SLC26A7: variants seen among roughly 807,000 people sequenced by gnomAD.
SLC26A7 encodes the protein anion exchange transporter.
In SLC26A7, 59 loss-of-function variants were observed where a neutral mutation model predicts 82.5. That is an observed-to-expected ratio of 0.72 (90% CI 0.58 to 0.89). The LOEUF (loss-of-function observed/expected upper bound fraction) is 0.89. SLC26A7 is among the 40% of genes least tolerant of loss of function. The probability of loss-of-function intolerance (pLI) is 0.00; values close to 1 mark genes in which losing one functional copy is unlikely to be tolerated. For synonymous variants in SLC26A7, 271 were observed against 274.3 expected (o/e 0.99, Z 0.12); for missense variants, 820 against 793.0 (o/e 1.03, Z -0.41).
intron 15 of SLC26A7, among the ~76,000 whole-genome samples, chr8:91,386,249 G>A (rs1012770924): frequency 5.9e-5 from 9 of 151,972 alleles, no homozygotes. Flanking sequence ...TTTCTTTCTA[G>A]CAAGCCTGTC....
chr8:91,345,013 G>GC (rs1813523062), intron 9 of SLC26A7, among the ~76,000 whole-genome samples: 1 of 150,568 alleles, frequency 6.6e-6, no homozygotes, highest in Admixed American at 6.6e-5. Flanking sequence ...CACCACTATA[G>GC]CTCACTGTAG....
intron 8 of SLC26A7, 131 bp downstream of exon 8, chr8:91,340,682 A>G: frequency 9.4e-7 from 1 of 1,064,194 alleles, no homozygotes. Context: ...TTGAACAAAA[A>G]AAAAGAAAAA....
chr8:91,232,144 G>A (rs1198575377), intron 2 of SLC26A7, among the ~76,000 whole-genome samples: 5 of 152,136 alleles, frequency 3.3e-5, no homozygotes, highest in Admixed American at 1.3e-4. Flanking sequence ...AAGTACATAT[G>A]CAATAAATAA....
intron 15 of SLC26A7, among the ~76,000 whole-genome samples, chr8:91,377,056 C>T (rs147265966): frequency 1.3e-5 from 2 of 152,208 alleles, no homozygotes; most frequent in Non-Finnish European, 2.9e-5. Flanking sequence ...CTTATGTCCT[C>T]CATTGCAGGG....
intron 15 of SLC26A7, 86 bp from the exon 16 acceptor site, chr8:91,389,252 C>T: frequency 1.2e-6 from 1 of 820,846 alleles, no homozygotes; most frequent in Non-Finnish European, 2.1e-6. Flanking sequence ...AACATGAGGC[C>T]ACTGTTACCC....
chr8:91,310,393 CTT>C (rs1350267563), intron 4 of SLC26A7, among the ~76,000 whole-genome samples: 2 of 152,086 alleles, frequency 1.3e-5, no homozygotes, highest in African/African-American at 2.4e-5. Flanking sequence ...AGGGACAGGA[CTT>C]TTCCTCTGTT....
intron 9 of SLC26A7, among the ~76,000 whole-genome samples, chr8:91,345,015 T>A (rs758405700): frequency 7.2e-5 from 11 of 151,728 alleles, no homozygotes; most frequent in African/African-American, 1.9e-4. Context: ...CCACTATAGC[T>A]CACTGTAGCC....
At chr8:91,232,749 A>G (rs1368705315) in intron 2 of SLC26A7, among the ~76,000 whole-genome samples, 4 of 152,254 alleles carry the variant, frequency 2.6e-5, no homozygotes, top group Admixed American at 2.0e-4. Flanking sequence ...AAAGCATTGT[A>G]TAAAAGAATC....
In SLC26A7 at chr8:91,333,288, A is replaced by G. The variant is rs990933610; in HGVS notation, c.643-1007A>G. On this transcript the variant is annotated intron_variant, in intron 5 of 18. Coordinates refer to ENST00000276609, the MANE Select transcript of SLC26A7 (RefSeq NM_052832.4). ...TTTTCTGCCACATCAGATTATCCCA[A>G]ATTACCAAGATTGAGTGTTTGATAT... Among the ~76,000 whole-genome samples, 5 of 152,218 alleles carry G rather than the reference A, an allele frequency of 3.3e-5. No homozygotes were observed. The Middle Eastern group carries it at 0.01, about 311-fold the overall frequency.
intron 15 of SLC26A7, among the ~76,000 whole-genome samples, chr8:91,379,763 T>TA (rs1170098718): frequency 1.3e-5 from 2 of 151,958 alleles, no homozygotes; most frequent in Non-Finnish European, 2.9e-5. Flanking sequence ...AAACAAGAAA[T>TA]ATAAAGCATT....
At chr8:91,317,882 T>C (rs1009287284) in intron 4 of SLC26A7, among the ~76,000 whole-genome samples, 1 of 150,156 alleles carries the variant, frequency 6.7e-6, no homozygotes, top group Non-Finnish European at 1.5e-5. Context: ...GTGTTAATTT[T>C]AACTGAGATA....
chr8:91,304,117 C>T (rs946880708), intron 4 of SLC26A7, among the ~76,000 whole-genome samples: 1 of 152,188 alleles, frequency 6.6e-6, no homozygotes, highest in African/African-American at 2.4e-5. Flanking sequence ...AAGCTTACTA[C>T]ATGTATTCAT....
intron 2 of SLC26A7, among the ~76,000 whole-genome samples, chr8:91,237,054 T>C (rs1810402878): frequency 6.6e-6 from 1 of 152,216 alleles, no homozygotes; most frequent in Non-Finnish European, 1.5e-5. Flanking sequence ...TGACTGTTAC[T>C]ACTACCCGCT....
intron 2 of SLC26A7, among the ~76,000 whole-genome samples, chr8:91,275,362 G>A (rs1483513042): frequency 6.6e-6 from 1 of 152,124 alleles, no homozygotes; most frequent in Non-Finnish European, 1.5e-5. Flanking sequence ...GCAGAGGCAT[G>A]TTCACAGTTC....
rs189425096 is a variant in SLC26A7 at position 91,364,640 on chromosome 8, C to A, written c.1488+1102C>A. On this transcript the variant is annotated intron_variant, in intron 13 of 18. Transcript: ENST00000276609. ...CACACCACAAGTACACATGTATTAG[C>A]CCTGATCTCCTTAGCTTTGAGACTG... 7.9e-5 allele frequency among the ~76,000 whole-genome samples: 12 copies of A among 152,256 alleles called. No individual in the cohort carries two copies. In the East Asian group the frequency reaches 1.9e-3, roughly 24 times the overall value.
At chr8:91,334,527 T>C in intron 6 of SLC26A7, 80 bp downstream of exon 6, 1 of 1,286,314 alleles carries the variant, frequency 7.8e-7, no homozygotes, top group African/African-American at 1.5e-5. Flanking sequence ...GCTTACTATA[T>C]TGTCTGTAGT....
intron 15 of SLC26A7, among the ~76,000 whole-genome samples, chr8:91,380,348 TTA>T (rs1290383648): frequency 1.3e-5 from 2 of 152,124 alleles, no homozygotes; most frequent in African/African-American, 4.8e-5. Context: ...CGAAATTAAT[TTA>T]TGTTTTATAT....
At chr8:91,374,971 A>G (rs1814468468) in intron 15 of SLC26A7, among the ~76,000 whole-genome samples, 1 of 151,926 alleles carries the variant, frequency 6.6e-6, no homozygotes, top group Admixed American at 6.6e-5. Context: ...AACCTTTATC[A>G]TTATATAAGG....
intron 14 of SLC26A7, among the ~76,000 whole-genome samples, chr8:91,368,386 TC>T (rs1814253080): frequency 6.6e-6 from 1 of 151,982 alleles, no homozygotes. Flanking sequence ...ATTTTGAAAT[TC>T]TTTTGCAAGG....
Sources: gnomAD v4.1 joint callset for allele counts (sites outside exome capture counted in the v4.1 genomes callset) on GRCh38, gnomAD v4.1.1 for gene constraint, MANE v1.5 for transcripts, NCBI Gene and HGNC (gene_info 2026-07-23, HGNC 2026-07-21) for gene names.